Variants in NRXN1 observed in about 807,000 individuals in gnomAD.
The protein encoded by NRXN1 is neurexin 1, also known as neurexin-1.
Under a neutral mutation model 150.9 loss-of-function variants are expected in NRXN1, and 39 were observed. The ratio of observed to expected loss-of-function variants is 0.26; its 90% CI spans 0.20 to 0.34. The LOEUF is 0.34. Ranked by LOEUF, NRXN1 falls within the 10% of genes least tolerant of loss-of-function variation. NRXN1 has a pLI of 1.00. For synonymous variants in NRXN1, 924 were observed against 757.0 expected (o/e 1.22, Z -3.62); for missense variants, 1,815 against 1,949.9 (o/e 0.93, Z 1.30).
At chr2:50,064,442 T>TA (rs1480799045) in intron 19 of NRXN1, among the ~76,000 whole-genome samples, 3 of 151,636 alleles carry the variant, frequency 2.0e-5, no homozygotes, top group African/African-American at 4.8e-5. Flanking sequence ...TCTTTTTTTT[T>TA]TTCTAATTGT....
intron 18 of NRXN1, among the ~76,000 whole-genome samples, chr2:50,202,725 A>G (rs1334020162): frequency 6.6e-6 from 1 of 152,182 alleles, no homozygotes; most frequent in Non-Finnish European, 1.5e-5. Context: ...AAAGTATATT[A>G]GGGGAGGCAG....
intron 9 of NRXN1, among the ~76,000 whole-genome samples, chr2:50,542,591 G>A (rs2093415685): frequency 6.6e-6 from 1 of 152,132 alleles, no homozygotes; most frequent in South Asian, 2.1e-4. Context: ...TAAAAGAGAT[G>A]GCAAATAATC....
Position 50,304,192 on chromosome 2 carries a change from C to A in NRXN1, c.3365-67222G>T, listed in dbSNP as rs532600439. Among the ~76,000 whole-genome samples, 47 of 152,124 alleles carry A rather than the reference C, an allele frequency of 3.1e-4. 1 individual carries two copies. Among genetic ancestry groups the A allele is most frequent in the South Asian group, 2.7e-3 (13 of 4,816 alleles). On this transcript the variant is annotated intron_variant, in intron 17 of 22. Transcript: ENST00000401669. ...CTTTTGGTTATCTATTCTGGGCACA[C>A]CGAAATAAATTGTGAACCAAACCCT...
intron 2 of NRXN1, among the ~76,000 whole-genome samples, chr2:50,992,993 T>C (rs1034586613): frequency 2.6e-5 from 4 of 151,992 alleles, no homozygotes; most frequent in African/African-American, 9.7e-5. Flanking sequence ...CCAAAAGCTA[T>C]GGACTAAGCC....
At chr2:50,211,402 C>G (rs1915223) in intron 18 of NRXN1, among the ~76,000 whole-genome samples, 104,252 of 151,362 alleles carry the variant, frequency 0.69, 37,204 homozygotes, top group African/African-American at 0.86. Context: ...TCAACTATTT[C>G]TTCTTAAGAT....
chr2:50,220,008 AT>A (rs1297026230), intron 18 of NRXN1, among the ~76,000 whole-genome samples: 13 of 35,240 alleles, frequency 3.7e-4, no homozygotes, highest in Admixed American at 3.1e-3. Context: ...ATATTATATA[AT>A]ATATTATATA....
At chr2:50,352,416 T>G (rs966645602) in intron 17 of NRXN1, among the ~76,000 whole-genome samples, 5 of 152,102 alleles carry the variant, frequency 3.3e-5, no homozygotes, top group Admixed American at 2.0e-4. Flanking sequence ...TAAAGCTCAG[T>G]ATTAAGCTTT....
intron 17 of NRXN1, among the ~76,000 whole-genome samples, chr2:50,421,410 T>C (rs2083988769): frequency 6.6e-6 from 1 of 152,230 alleles, no homozygotes; most frequent in African/African-American, 2.4e-5. Context: ...GCCTTTCTTT[T>C]GACTATTAAG....
intron 18 of NRXN1, among the ~76,000 whole-genome samples, chr2:50,161,305 A>T (rs2059350513): frequency 6.6e-6 from 1 of 152,196 alleles, no homozygotes; most frequent in Admixed American, 6.5e-5. Context: ...TTATGAGGAA[A>T]ATAAGGTAAC....
chr2:50,547,244 T>C (rs2093514983), intron 9 of NRXN1, among the ~76,000 whole-genome samples: 1 of 152,286 alleles, frequency 6.6e-6, no homozygotes, highest in South Asian at 2.1e-4. Context: ...ACAAGCCAAC[T>C]TTGACAAGAA....
At chr2:50,393,523 A>T (rs575968046) in intron 17 of NRXN1, among the ~76,000 whole-genome samples, 119 of 152,272 alleles carry the variant, frequency 7.8e-4, no homozygotes, top group African/African-American at 2.8e-3. Context: ...AACAGAAAGA[A>T]CTTAAGAAAA....
intron 17 of NRXN1, among the ~76,000 whole-genome samples, chr2:50,353,824 G>C (rs374545263): frequency 6.6e-6 from 1 of 152,094 alleles, no homozygotes; most frequent in Non-Finnish European, 1.5e-5. Flanking sequence ...CTCTAAATCT[G>C]TGTTGCTCAA....
chr2:50,748,899 G>A (rs1015302777), intron 5 of NRXN1, among the ~76,000 whole-genome samples: 5 of 152,086 alleles, frequency 3.3e-5, no homozygotes, highest in African/African-American at 4.8e-5. Flanking sequence ...TTTTGGAGGA[G>A]TTGAATACAG....
intron 18 of NRXN1, among the ~76,000 whole-genome samples, chr2:50,144,987 T>C (rs1375112486): frequency 1.3e-5 from 2 of 151,914 alleles, no homozygotes; most frequent in East Asian, 3.9e-4. Context: ...ATAAACTATA[T>C]CATTCCTGAA....
intron 17 of NRXN1, among the ~76,000 whole-genome samples, chr2:50,357,302 A>ATTTATTTATTAT (rs59536239): frequency 1.4e-5 from 2 of 142,838 alleles, no homozygotes; most frequent in African/African-American, 5.6e-5. Context: ...TTATTTATTT[A>ATTTATTTATTAT]TTTTTTTTTT....
At chr2:50,653,825 A>G (rs1685987999) in intron 5 of NRXN1, among the ~76,000 whole-genome samples, 3 of 151,836 alleles carry the variant, frequency 2.0e-5, no homozygotes, top group Admixed American at 6.6e-5. Context: ...AGCTGCGGTC[A>G]TTTCCTCTTT....
intron 15 of NRXN1, among the ~76,000 whole-genome samples, chr2:50,477,369 C>A (rs193220774): frequency 6.6e-6 from 1 of 152,232 alleles, no homozygotes; most frequent in African/African-American, 2.4e-5. Context: ...CATTTAACGT[C>A]ATGTATGTGG....
intron 10 of NRXN1, among the ~76,000 whole-genome samples, 174 bp from the exon 11 acceptor site, chr2:50,531,604 A>G (rs2093115693): frequency 6.6e-6 from 1 of 152,190 alleles, no homozygotes; most frequent in Admixed American, 6.5e-5. Flanking sequence ...GAGAAGTCAC[A>G]GTAGAGGACT....
intron 2 of NRXN1, among the ~76,000 whole-genome samples, chr2:50,964,505 G>A (rs761206479): frequency 1.4e-4 from 21 of 151,326 alleles, no homozygotes; most frequent in Non-Finnish European, 3.0e-4. Context: ...TCCCTCAAAC[G>A]TGTCCTATTA....
Sources: gnomAD v4.1 joint callset for allele counts (sites outside exome capture counted in the v4.1 genomes callset) on GRCh38, gnomAD v4.1.1 for gene constraint, MANE v1.5 for transcripts, NCBI Gene and HGNC (gene_info 2026-07-23, HGNC 2026-07-21) for gene names.